GALNT13: variants seen among roughly 807,000 people sequenced by gnomAD.
GALNT13 encodes UDP-GalNAc:polypeptide N-acetylgalactosaminyltransferase 13.
In GALNT13, 28 loss-of-function variants were observed where a neutral mutation model predicts 64.2. The observed-to-expected ratio is 0.44, with a 90% confidence interval of 0.32 to 0.60. GALNT13 has a LOEUF of 0.60. GALNT13 is among the 20% of genes least tolerant of loss of function. The pLI, the probability that GALNT13 is intolerant of heterozygous loss-of-function variation, is 0.05. For missense variants in GALNT13, 577 were observed against 669.8 expected, an observed-to-expected ratio of 0.86 and a Z score of 1.53; for synonymous variants, 214 against 224.6, an observed-to-expected ratio of 0.95 and a Z score of 0.42.
chr2:153,115,307 A>C, the GALNT13 span, among the ~76,000 whole-genome samples: 2 of 152,198 alleles, frequency 1.3e-5, no homozygotes, highest in African/African-American at 4.8e-5. Flanking sequence ...CAGCAAAAGT[A>C]ATGGGGAAAT....
chr2:153,348,157 C>T, the GALNT13 span, among the ~76,000 whole-genome samples: 1 of 152,122 alleles, frequency 6.6e-6, no homozygotes, highest in Non-Finnish European at 1.5e-5. Flanking sequence ...TAACAAATTT[C>T]CCTATTATGC....
chr2:154,230,186 G>T (rs1688843461), intron 4 of GALNT13, among the ~76,000 whole-genome samples: 1 of 152,070 alleles, frequency 6.6e-6, no homozygotes, highest in Non-Finnish European at 1.5e-5. Flanking sequence ...GAGAGCAGAA[G>T]CAAAGCCCAG....
At chr2:153,314,219 T>A in the GALNT13 span, among the ~76,000 whole-genome samples, 4 of 152,124 alleles carry the variant, frequency 2.6e-5, no homozygotes, top group Admixed American at 2.0e-4. Context: ...TGAAGATAAA[T>A]CTGTTGAGAT....
chr2:153,440,121 C>T, the GALNT13 span, among the ~76,000 whole-genome samples: 2 of 151,598 alleles, frequency 1.3e-5, no homozygotes, highest in Non-Finnish European at 2.9e-5. Flanking sequence ...CCCCAACAGG[C>T]CACAGTGGGT....
intron 4 of GALNT13, among the ~76,000 whole-genome samples, chr2:154,169,340 G>A (rs1685224958): frequency 6.6e-6 from 1 of 152,126 alleles, no homozygotes. Context: ...TAGGCTCTGA[G>A]GTATAAGTAG....
chr2:153,113,113 A>G, the GALNT13 span, among the ~76,000 whole-genome samples: 21 of 152,124 alleles, frequency 1.4e-4, no homozygotes, highest in African/African-American at 3.9e-4. Context: ...TTTCAAAAAC[A>G]TGTTTACATA....
the GALNT13 span, among the ~76,000 whole-genome samples, chr2:153,790,465 G>A: frequency 6.6e-6 from 1 of 152,080 alleles, no homozygotes; most frequent in African/African-American, 2.4e-5. Context: ...AATAATAAGA[G>A]CCATTTATGA....
At chr2:153,366,006 G>A in the GALNT13 span, among the ~76,000 whole-genome samples, 1 of 152,162 alleles carries the variant, frequency 6.6e-6, no homozygotes, top group Non-Finnish European at 1.5e-5. Context: ...GTCCATCAGT[G>A]ATAGGCTGGA....
chr2:154,124,804 C>G (rs1042296229), intron 3 of GALNT13, among the ~76,000 whole-genome samples: 4 of 151,904 alleles, frequency 2.6e-5, no homozygotes, highest in Non-Finnish European at 5.9e-5. Flanking sequence ...AAATGTGATG[C>G]CCTTAAATTA....
intron 11 of GALNT13, among the ~76,000 whole-genome samples, chr2:154,429,165 G>A (rs564487659): frequency 6.6e-6 from 1 of 152,232 alleles, no homozygotes; most frequent in East Asian, 1.9e-4. Context: ...TCAAGTGAAA[G>A]GAAAGTCACA....
intron 3 of GALNT13, among the ~76,000 whole-genome samples, chr2:154,044,136 G>A (rs1377587640): frequency 6.6e-6 from 1 of 152,066 alleles, no homozygotes; most frequent in African/African-American, 2.4e-5. Flanking sequence ...AGAAGGCTTT[G>A]TAGGGGATCA....
chr2:154,234,949 G>A (rs1443504229), intron 4 of GALNT13, among the ~76,000 whole-genome samples: 16 of 152,152 alleles, frequency 1.1e-4, no homozygotes. Context: ...CATGTAGAAG[G>A]TACAAGGCCA....
chr2:153,383,295 C>A, the GALNT13 span, among the ~76,000 whole-genome samples: 2 of 152,048 alleles, frequency 1.3e-5, no homozygotes, highest in Admixed American at 6.6e-5. Flanking sequence ...AAACCAGTTT[C>A]TCGGCATCCA....
chr2:153,475,819 C>A, the GALNT13 span, among the ~76,000 whole-genome samples: 1 of 152,142 alleles, frequency 6.6e-6, no homozygotes, highest in African/African-American at 2.4e-5. Context: ...GCAGCCACAG[C>A]GTGAGTTAAA....
At chr2:154,248,111 G>T (rs1417742624) in intron 7 of GALNT13, among the ~76,000 whole-genome samples, 1 of 152,066 alleles carries the variant, frequency 6.6e-6, no homozygotes, top group East Asian at 1.9e-4. Flanking sequence ...AGTTTTCTTA[G>T]TGGAATGCTT....
At chr2:153,081,430 C>T in the GALNT13 span, among the ~76,000 whole-genome samples, 3 of 152,032 alleles carry the variant, frequency 2.0e-5, no homozygotes, top group African/African-American at 7.2e-5. Context: ...TTCTAGTCAC[C>T]TTATTGTGCT....
the GALNT13 span, among the ~76,000 whole-genome samples, chr2:153,725,509 T>G: frequency 6.6e-6 from 1 of 151,538 alleles, no homozygotes; most frequent in South Asian, 2.1e-4. Flanking sequence ...AAAGCTAATA[T>G]GACTAAGATG....
the GALNT13 span, among the ~76,000 whole-genome samples, chr2:153,462,996 G>A: frequency 6.6e-6 from 1 of 151,978 alleles, no homozygotes; most frequent in Non-Finnish European, 1.5e-5. Context: ...GTATACTGAA[G>A]ATTATCTTTT....
chr2:153,236,221 T>G, the GALNT13 span, among the ~76,000 whole-genome samples: 2 of 152,230 alleles, frequency 1.3e-5, no homozygotes, highest in East Asian at 3.9e-4. Context: ...AAAGAAAATG[T>G]CTCCATAACA....
Sources: gnomAD v4.1 joint callset for allele counts (sites outside exome capture counted in the v4.1 genomes callset) on GRCh38, gnomAD v4.1.1 for gene constraint, MANE v1.5 for transcripts, NCBI Gene and HGNC (gene_info 2026-07-23, HGNC 2026-07-21) for gene names.